The following DDR2 variants were observed in gnomAD, a reference collection of about 807,000 sequenced individuals.
The protein encoded by DDR2 is discoidin domain-containing receptor 2.
Under a neutral mutation model 94.9 loss-of-function variants are expected in DDR2, and 27 were observed. That is an observed-to-expected ratio of 0.28 (90% CI 0.21 to 0.39). The LOEUF (loss-of-function observed/expected upper bound fraction) is 0.39. DDR2 is among the 10% of genes least tolerant of loss of function. The probability of loss-of-function intolerance (pLI) is 1.00; values close to 1 mark genes in which losing one functional copy is unlikely to be tolerated. For missense variants in DDR2, 783 were observed against 1,076.0 expected (o/e 0.73, Z 3.81); for synonymous variants, 382 against 377.2 (o/e 1.01, Z -0.15).
chr1:162,749,345 T>C (rs1290977341), intron 3 of DDR2, among the ~76,000 whole-genome samples: 1 of 151,990 alleles, frequency 6.6e-6, no homozygotes, highest in African/African-American at 2.4e-5. Context: ...TCCCACAGAA[T>C]TACAAACTAT....
intron 2 of DDR2, among the ~76,000 whole-genome samples, chr1:162,674,268 C>CCTAT (rs1469607551): frequency 6.6e-5 from 10 of 152,162 alleles, no homozygotes; most frequent in African/African-American, 2.4e-4. Context: ...CCCTCCAGAA[C>CCTAT]CTATCTTCAA....
intron 1 of DDR2, among the ~76,000 whole-genome samples, chr1:162,637,251 G>T (rs1286738133): frequency 6.6e-6 from 1 of 151,912 alleles, no homozygotes; most frequent in Non-Finnish European, 1.5e-5. Flanking sequence ...TTAGAAAATT[G>T]GTATCCACAT....
Position 162,635,735 on chromosome 1 carries a change from C to G in DDR2, c.-192+3104C>G, listed in dbSNP as rs1320335468. ...CTGTTCACCAGGAAATTAGAAACCC[C>G]AGGTAGACCTTAAAAGATTTTCAGA... is the stretch of plus-strand genomic sequence containing the variant. On this transcript the variant is annotated intron_variant, in intron 1 of 17. Transcript: ENST00000367921. Among the ~76,000 whole-genome samples the G allele has an allele frequency of 2.0e-5, 3 of 152,274 alleles. No individual in the cohort carries two copies. In the East Asian group the frequency reaches 5.8e-4, roughly 29 times the overall value.
intron 2 of DDR2, among the ~76,000 whole-genome samples, chr1:162,713,203 A>C (rs909648853): frequency 3.3e-5 from 5 of 152,174 alleles, no homozygotes; most frequent in Non-Finnish European, 7.3e-5. Flanking sequence ...TTCATGTGCA[A>C]GATGTGCTAA....
chr1:162,643,322 C>G (rs1442033336), intron 1 of DDR2, among the ~76,000 whole-genome samples: 1 of 152,104 alleles, frequency 6.6e-6, no homozygotes, highest in African/African-American at 2.4e-5. Flanking sequence ...TTGCCAACAT[C>G]TACAAAATAT....
intron 2 of DDR2, among the ~76,000 whole-genome samples, chr1:162,686,238 T>C (rs1427339227): frequency 2.0e-5 from 3 of 152,140 alleles, no homozygotes; most frequent in South Asian, 2.1e-4. Flanking sequence ...CTGGGATACA[T>C]GTGCAGAACG....
chr1:162,729,856 G>T (rs1661935764), intron 3 of DDR2, among the ~76,000 whole-genome samples: 6 of 151,834 alleles, frequency 4.0e-5, no homozygotes, highest in Admixed American at 3.9e-4. Flanking sequence ...AGATTTTCCT[G>T]CCTCAGCCTC....
chr1:162,685,147 G>T (rs1422541162), intron 2 of DDR2, among the ~76,000 whole-genome samples: 2 of 152,108 alleles, frequency 1.3e-5, no homozygotes, highest in East Asian at 3.8e-4. Context: ...TCTTCAGTAT[G>T]ATTGGAATAA....
intron 13 of DDR2, 144 bp downstream of exon 13, chr1:162,772,391 C>A: frequency 1.2e-6 from 1 of 852,692 alleles, no homozygotes; most frequent in Non-Finnish European, 1.9e-6. Context: ...CTCTGGATTT[C>A]AGTATTGGGT....
chr1:162,774,697 T>C (rs1647429242), intron 14 of DDR2, among the ~76,000 whole-genome samples: 3 of 152,156 alleles, frequency 2.0e-5, no homozygotes, highest in Admixed American at 2.0e-4. Flanking sequence ...GACAAAGCCT[T>C]TCTCCGTTGT....
chr1:162,662,163 T>C (rs957038497), intron 2 of DDR2, among the ~76,000 whole-genome samples: 1 of 152,212 alleles, frequency 6.6e-6, no homozygotes. Context: ...TGGGCTGATA[T>C]TTTAGACATT....
At chr1:162,695,891 G>T (rs1660165020) in intron 2 of DDR2, among the ~76,000 whole-genome samples, 1 of 152,212 alleles carries the variant, frequency 6.6e-6, no homozygotes. Flanking sequence ...GCTCAGAGAG[G>T]TTGAGTGGTT....
chr1:162,776,750 A>G (rs1647580492), intron 16 of DDR2, among the ~76,000 whole-genome samples: 1 of 152,190 alleles, frequency 6.6e-6, no homozygotes, highest in African/African-American at 2.4e-5. Context: ...TCATAATTAC[A>G]TAGACTAATT....
At chr1:162,701,432 C>G (rs1660427726) in intron 2 of DDR2, among the ~76,000 whole-genome samples, 1 of 152,210 alleles carries the variant, frequency 6.6e-6, no homozygotes, top group Admixed American at 6.5e-5. Flanking sequence ...CCATATGGCT[C>G]TTGGCCATAA....
intron 1 of DDR2, among the ~76,000 whole-genome samples, chr1:162,639,353 C>T (rs949797127): frequency 6.6e-6 from 1 of 152,142 alleles, no homozygotes; most frequent in Non-Finnish European, 1.5e-5. Flanking sequence ...GCCAACTGTT[C>T]TTTGACAAAG....
chr1:162,700,628 G>T (rs1660388538), intron 2 of DDR2, among the ~76,000 whole-genome samples: 1 of 152,190 alleles, frequency 6.6e-6, no homozygotes, highest in African/African-American at 2.4e-5. Flanking sequence ...TGAGCATGCT[G>T]GGGCTGGGTC....
chr1:162,756,085 A>G (rs1294050640), intron 7 of DDR2, among the ~76,000 whole-genome samples: 1 of 152,222 alleles, frequency 6.6e-6, no homozygotes, highest in East Asian at 1.9e-4. Context: ...TCTGACACAA[A>G]TATTGACCTA....
intron 1 of DDR2, among the ~76,000 whole-genome samples, chr1:162,651,947 A>C (rs984789351): frequency 1.3e-5 from 2 of 152,324 alleles, no homozygotes; most frequent in Non-Finnish European, 2.9e-5. Flanking sequence ...TATTTGTCTC[A>C]CCTGTGAAAT....
chr1:162,761,658 C>T (rs977343654), intron 9 of DDR2, among the ~76,000 whole-genome samples: 2 of 152,092 alleles, frequency 1.3e-5, no homozygotes, highest in Non-Finnish European at 2.9e-5. Flanking sequence ...AAAATATGCA[C>T]GTAACTCTTC....
Sources: gnomAD v4.1 joint callset for allele counts (sites outside exome capture counted in the v4.1 genomes callset) on GRCh38, gnomAD v4.1.1 for gene constraint, MANE v1.5 for transcripts, NCBI Gene and HGNC (gene_info 2026-07-23, HGNC 2026-07-21) for gene names.